Variants in EGLN3 observed in about 807,000 individuals in gnomAD.
EGLN3 encodes egl-9 family hypoxia inducible factor 3.
A neutral mutation model predicts 26.0 loss-of-function variants in EGLN3; 15 were observed. That is an observed-to-expected ratio of 0.58 (90% CI 0.39 to 0.89). The LOEUF (loss-of-function observed/expected upper bound fraction) is 0.89. Among genes scored for constraint, EGLN3 ranks in the 40% least tolerant of loss-of-function variants. EGLN3 has a pLI of 0.00. For synonymous variants in EGLN3, 147 were observed against 127.2 expected, an observed-to-expected ratio of 1.16 and a Z score of -1.05; for missense variants, 238 against 311.6, an observed-to-expected ratio of 0.76 and a Z score of 1.78.
At chr14:33,940,376 GTTTT>G (rs1297006333) in intron 1 of EGLN3, among the ~76,000 whole-genome samples, 4 of 151,470 alleles carry the variant, frequency 2.6e-5, no homozygotes, top group African/African-American at 9.7e-5. Flanking sequence ...ACTAAAAATC[GTTTT>G]TTGTTTTTTT....
intron 2 of EGLN3, among the ~76,000 whole-genome samples, chr14:33,929,733 C>G (rs1047564077): frequency 6.6e-6 from 1 of 152,146 alleles, no homozygotes; most frequent in Non-Finnish European, 1.5e-5. Context: ...TCCCACCCCC[C>G]ACAGTCATAA....
intron 1 of EGLN3, among the ~76,000 whole-genome samples, chr14:33,947,119 G>T (rs964210622): frequency 6.6e-6 from 1 of 152,186 alleles, no homozygotes; most frequent in Admixed American, 6.6e-5. Flanking sequence ...GGGACTTTTG[G>T]TTCTAAAAAT....
rs2064381334 is a variant in EGLN3, at chr14:33,928,947, A to G, written c.614+129T>C. ...TCCCCTTTAATTTTTGTAGACTCCAAACAAGTTTGCTATCAGCTATGGGGT... is the reference window on the plus strand; with the variant it reads ...TCCCCTTTAATTTTTGTAGACTCCAGACAAGTTTGCTATCAGCTATGGGGT... On this transcript the variant is annotated intron_variant, in intron 3 of 4. Transcript: ENST00000250457. 1.0e-5 allele frequency: 12 copies of G among 1,173,672 alleles called. No individual in the cohort carries two copies. In the South Asian group the frequency reaches 1.3e-4, roughly 13 times the overall value. 72.7% of individuals were successfully genotyped at this position (1,173,672 alleles called of 1,614,324 possible). A position where few individuals can be genotyped will look rare whatever the true frequency, so the allele number is the denominator to read the frequency against.
chr14:33,925,869 G>T lies in EGLN3; in HGVS notation c.*22C>A. The T allele has an allele frequency of 6.2e-7, 1 of 1,613,878 alleles. No homozygotes were observed. Among genetic ancestry groups the T allele is most frequent in the East Asian group, 2.2e-5 (1 of 44,884 alleles). On this transcript the variant is annotated 3_prime_UTR_variant, in exon 5 of 5. Transcript: ENST00000250457. ...AGGAACCGTTACTAAAATGAACAAG[G>T]CCAGCAGATTTCAGAGCACGGTCAG... is the stretch of plus-strand genomic sequence containing the variant.
intron 1 of EGLN3, among the ~76,000 whole-genome samples, chr14:33,932,388 A>G (rs571128888): frequency 2.0e-5 from 3 of 152,336 alleles, no homozygotes; most frequent in East Asian, 3.9e-4. Flanking sequence ...TCCAGGCCAT[A>G]TATTTCCTGA....
intron 1 of EGLN3, chr14:33,948,198 T>A (rs1209499492): frequency 6.6e-6 from 1 of 152,166 alleles, no homozygotes; most frequent in Non-Finnish European, 1.5e-5. Context: ...GATAAATTAA[T>A]GTGAAACCAA....
chr14:33,929,203 C>T lies in EGLN3; in HGVS notation c.487G>A (p.Gly163Arg). 2 of 1,614,110 alleles carry T rather than the reference C, an allele frequency of 1.2e-6. No homozygotes were observed. Among genetic ancestry groups the T allele is most frequent in the Non-Finnish European group, 1.7e-6 (2 of 1,180,014 alleles). Residue 163 changes from glycine (G) to arginine (R), a missense_variant, in exon 3 of 5, where the codon GGG becomes AGG. Coordinates refer to ENST00000250457, the MANE Select transcript of EGLN3 (RefSeq NM_022073.4). The stretch of plus-strand genomic sequence containing the variant: ...CCCTCTGGAAATATCCGCAGGATCC[C>T]ACCATGTAGCTGAAAGACACAAAGA... Reference protein sequence around the residue: ...NKNWDAKLHGGILRIFPEGKS... With the variant: ...NKNWDAKLHGRILRIFPEGKS...
In EGLN3 at chr14:33,951,010, C is replaced by A; in HGVS notation, c.-258G>T. On this transcript the variant is annotated 5_prime_UTR_variant, in exon 1 of 5. Transcript: ENST00000250457. ...TTCCGGACTGGCCCGGCGAGCAGTG[C>A]GGCGCAAGGAGTCGGAGGGCGCCTT... 2.0e-6 allele frequency: 1 copy of A among 493,910 alleles called. No individual in the cohort carries two copies. Among genetic ancestry groups the A allele is most frequent in the Non-Finnish European group, 3.6e-6 (1 of 280,370 alleles). 30.6% of individuals were successfully genotyped at this position (493,910 alleles called of 1,614,324 possible). A position where few individuals can be genotyped will look rare whatever the true frequency, so the allele number is the denominator to read the frequency against.
intron 3 of EGLN3, among the ~76,000 whole-genome samples, chr14:33,927,907 T>C (rs1319312873): frequency 1.3e-5 from 2 of 152,216 alleles, no homozygotes; most frequent in African/African-American, 2.4e-5. Context: ...ATTTGCTTTA[T>C]CCCATTCATT....
At chr14:33,950,359 C>T (rs1371545194) in intron 1 of EGLN3, 37 bp downstream of exon 1, 1 of 1,600,562 alleles carries the variant, frequency 6.2e-7, no homozygotes, top group African/African-American at 1.3e-5. Context: ...CCCGTCCCCG[C>T]GGGAGCAGCT....
chr14:33,946,838 A>G (rs2138828594), intron 1 of EGLN3, among the ~76,000 whole-genome samples: 1 of 152,322 alleles, frequency 6.6e-6, no homozygotes, highest in Middle Eastern at 3.4e-3. Context: ...CCTGGTGTAA[A>G]CCAAGCAACT....
chr14:33,933,682 C>T (rs1216632823), intron 1 of EGLN3, among the ~76,000 whole-genome samples: 2 of 152,052 alleles, frequency 1.3e-5, no homozygotes, highest in African/African-American at 4.8e-5. Context: ...ACTATTTGCT[C>T]GTCTTTGACA....
Position 33,950,431 on chromosome 14 carries a change from G to A in EGLN3, c.322C>T (p.Arg108Trp), listed in dbSNP as rs2064550499. The change falls in exon 1 of 5, where the codon CGG becomes TGG. Residue 108 changes from arginine to tryptophan, a missense_variant. By Grantham distance (101) the Arg-to-Trp change is moderately radical. Transcript: ENST00000250457. ...TCCTTGACGTAGTATTTGCCCAGCC[G>A]GCTCCCGCAGTAGAGGACCAGCCTG... ...IDRLVLYCGSRLGKYYVKERS... is the reference protein window; with the variant it reads ...IDRLVLYCGSWLGKYYVKERS... 9.3e-6 allele frequency: 15 copies of A among 1,613,178 alleles called. No individual in the cohort carries two copies. Among genetic ancestry groups the A allele is most frequent in the African/African-American group, 1.3e-5 (1 of 74,936 alleles).
chr14:33,932,963 C>T (rs1033101458), intron 1 of EGLN3, among the ~76,000 whole-genome samples: 2 of 152,156 alleles, frequency 1.3e-5, no homozygotes, highest in Non-Finnish European at 2.9e-5. Context: ...TAATGAAAGT[C>T]GCTTAAGCCA....
chr14:33,934,270 G>A (rs1225728586), intron 1 of EGLN3, among the ~76,000 whole-genome samples: 2 of 152,088 alleles, frequency 1.3e-5, no homozygotes, highest in African/African-American at 4.8e-5. Context: ...GCCCAGGCTG[G>A]CTCTAGACCA....
At chr14:33,942,034 T>A (rs183068806) in intron 1 of EGLN3, among the ~76,000 whole-genome samples, 92 of 152,282 alleles carry the variant, frequency 6.0e-4, no homozygotes, top group Non-Finnish European at 1.1e-3. Flanking sequence ...CAGTGTTGTA[T>A]AGTAGATAAT....
chr14:33,939,111 C>T (rs1462535178), intron 1 of EGLN3, among the ~76,000 whole-genome samples: 1 of 151,770 alleles, frequency 6.6e-6, no homozygotes, highest in Non-Finnish European at 1.5e-5. Flanking sequence ...ATCCATAACT[C>T]AAAATAATTG....
At chr14:33,947,726 AT>A (rs2064527784) in intron 1 of EGLN3, among the ~76,000 whole-genome samples, 1 of 152,164 alleles carries the variant, frequency 6.6e-6, no homozygotes, top group African/African-American at 2.4e-5. Context: ...ATGTTTATGT[AT>A]GTTTGAAAAT....
chr14:33,935,714 A>G (rs2064437426), intron 1 of EGLN3, among the ~76,000 whole-genome samples: 1 of 152,124 alleles, frequency 6.6e-6, no homozygotes, highest in Middle Eastern at 3.4e-3. Flanking sequence ...ACAGCTGCTG[A>G]GTGGGCACCT....
Sources: gnomAD v4.1 joint callset for allele counts (sites outside exome capture counted in the v4.1 genomes callset) on GRCh38, gnomAD v4.1.1 for gene constraint, MANE v1.5 for transcripts, NCBI Gene and HGNC (gene_info 2026-07-23, HGNC 2026-07-21) for gene names.